XKR4: variants seen among roughly 807,000 people sequenced by gnomAD.
XKR4 encodes the protein XK related 4.
In XKR4, 12 loss-of-function variants were observed where a neutral mutation model predicts 53.9. The ratio of observed to expected loss-of-function variants is 0.22; its 90% CI spans 0.14 to 0.36. The LOEUF is 0.36. Ranked by LOEUF, XKR4 falls within the 10% of genes least tolerant of loss-of-function variation. The probability of loss-of-function intolerance (pLI) is 1.00; values close to 1 mark genes in which losing one functional copy is unlikely to be tolerated. For missense variants in XKR4, 799 were observed against 859.5 expected (o/e 0.93, Z 0.88); for synonymous variants, 354 against 362.4 (o/e 0.98, Z 0.26).
chr8:55,428,523 G>A (rs1805052336), intron 2 of XKR4, among the ~76,000 whole-genome samples: 2 of 152,180 alleles, frequency 1.3e-5, no homozygotes, highest in African/African-American at 2.4e-5. Flanking sequence ...CTTCCACCCT[G>A]GTCAGGCTAT....
rs1807048220 is a variant in XKR4, at chr8:55,537,657, A to G, written c.*13430A>G. 1 of 152,222 alleles carries G rather than the reference A, an allele frequency of 6.6e-6. No homozygotes were observed. The allele number at this position is 152,222 out of a possible 1,614,324, so 9.4% of individuals were successfully genotyped here. On this transcript the variant is annotated 3_prime_UTR_variant, in exon 3 of 3. Transcript: ENST00000327381. ...CACATTCTACACTCAGTGCCAAGTT[A>G]GAATGTCTTTATGGGGAAGGCAATA...
intron 2 of XKR4, among the ~76,000 whole-genome samples, chr8:55,479,607 A>C (rs1450206277): frequency 6.6e-6 from 1 of 152,232 alleles, no homozygotes; most frequent in African/African-American, 2.4e-5. Context: ...TAATGAATCC[A>C]GGAGATTGTT....
intron 1 of XKR4, among the ~76,000 whole-genome samples, chr8:55,133,244 G>A (rs951397065): frequency 6.6e-6 from 1 of 152,210 alleles, no homozygotes; most frequent in Non-Finnish European, 1.5e-5. Flanking sequence ...TACAATAAAG[G>A]GTAAGTGTGA....
intron 1 of XKR4, among the ~76,000 whole-genome samples, chr8:55,264,783 C>T (rs1818575108): frequency 1.3e-5 from 2 of 152,180 alleles, no homozygotes; most frequent in South Asian, 4.1e-4. Context: ...CATCATTCCT[C>T]TTAATATGAT....
chr8:55,272,949 C>A, intron 1 of XKR4: 1 of 448,644 alleles, frequency 2.2e-6, no homozygotes, highest in Non-Finnish European at 4.4e-6. Context: ...AACACCACTG[C>A]CTACATTGGA....
chr8:55,140,549 C>G (rs906906631), intron 1 of XKR4, among the ~76,000 whole-genome samples: 1 of 152,174 alleles, frequency 6.6e-6, no homozygotes, highest in African/African-American at 2.4e-5. Flanking sequence ...AGTTATTCTT[C>G]GCTAATAAAA....
chr8:55,244,199 T>C (rs997483555), intron 1 of XKR4, among the ~76,000 whole-genome samples: 2 of 152,196 alleles, frequency 1.3e-5, no homozygotes, highest in Non-Finnish European at 2.9e-5. Context: ...AAGTAGTTTT[T>C]CTATCCTCTC....
intron 2 of XKR4, among the ~76,000 whole-genome samples, chr8:55,418,387 C>T (rs966483088): frequency 2.0e-5 from 3 of 152,210 alleles, no homozygotes; most frequent in African/African-American, 7.2e-5. Flanking sequence ...GGCTAAAACC[C>T]TTTCTGCTAT....
In XKR4 at chr8:55,541,152, G is replaced by A. The variant is rs995507843; in HGVS notation, c.*16925G>A. ...GTTTTATTTAGAAACATGAAACCAT[G>A]CACTTTGTAATCAATAAGTCTTTTG... On this transcript the variant is annotated 3_prime_UTR_variant, in exon 3 of 3. Coordinates refer to ENST00000327381, the MANE Select transcript of XKR4 (RefSeq NM_052898.2). The A allele has an allele frequency of 6.6e-6, 1 of 152,142 alleles. No homozygotes were observed. Among genetic ancestry groups the A allele is most frequent in the Non-Finnish European group, 1.5e-5 (1 of 68,020 alleles). 9.4% of individuals were successfully genotyped at this position (152,142 alleles called of 1,614,324 possible). A position where few individuals can be genotyped will look rare whatever the true frequency, so the allele number is the denominator to read the frequency against.
At chr8:55,379,047 C>G in intron 2 of XKR4, among the ~76,000 whole-genome samples, 1 of 152,140 alleles carries the variant, frequency 6.6e-6, no homozygotes, top group East Asian at 1.9e-4. Flanking sequence ...CAGGTGAACC[C>G]TCATGAGTAA....
intron 2 of XKR4, among the ~76,000 whole-genome samples, chr8:55,442,925 G>A (rs1316460964): frequency 6.6e-6 from 1 of 152,108 alleles, no homozygotes; most frequent in Non-Finnish European, 1.5e-5. Context: ...ACTTTAAATA[G>A]GTGAATGTAA....
chr8:55,128,285 C>T, intron 1 of XKR4, among the ~76,000 whole-genome samples: 1 of 152,178 alleles, frequency 6.6e-6, no homozygotes, highest in East Asian at 1.9e-4. Flanking sequence ...TAATGATCGC[C>T]ATTCTAACTG....
At chr8:55,307,047 A>C (rs1051414114) in intron 1 of XKR4, among the ~76,000 whole-genome samples, 2 of 152,074 alleles carry the variant, frequency 1.3e-5, no homozygotes. Flanking sequence ...TTTAGAAAAA[A>C]AAATAGGAGA....
intron 2 of XKR4, among the ~76,000 whole-genome samples, chr8:55,465,654 A>C (rs1262973537): frequency 6.6e-6 from 1 of 151,976 alleles, no homozygotes; most frequent in Non-Finnish European, 1.5e-5. Flanking sequence ...ATTAAACTAA[A>C]GAGCTTCTGC....
intron 2 of XKR4, chr8:55,452,020 C>G: frequency 1.3e-6 from 1 of 764,070 alleles, no homozygotes; most frequent in Non-Finnish European, 2.4e-6. Flanking sequence ...ACGTTCTTAA[C>G]CAGGTTCCAG....
At chr8:55,360,578 G>A (rs766191599) in intron 2 of XKR4, among the ~76,000 whole-genome samples, 1 of 152,196 alleles carries the variant, frequency 6.6e-6, no homozygotes, top group Non-Finnish European at 1.5e-5. Context: ...ATCTGTAAAG[G>A]ATTTGCAGAT....
At chr8:55,156,761 G>A (rs1269766843) in intron 1 of XKR4, among the ~76,000 whole-genome samples, 5 of 152,156 alleles carry the variant, frequency 3.3e-5, no homozygotes, top group Non-Finnish European at 7.4e-5. Flanking sequence ...ATGGGAAAAG[G>A]GATGTATGCT....
At chr8:55,263,013 G>A (rs1197116817) in intron 1 of XKR4, among the ~76,000 whole-genome samples, 2 of 152,078 alleles carry the variant, frequency 1.3e-5, no homozygotes, top group African/African-American at 4.8e-5. Flanking sequence ...GCACAGCATT[G>A]GCCTCTGAGT....
At chr8:55,194,287 G>T (rs1448145106) in intron 1 of XKR4, among the ~76,000 whole-genome samples, 2 of 152,152 alleles carry the variant, frequency 1.3e-5, no homozygotes, top group Non-Finnish European at 2.9e-5. Flanking sequence ...ATTTTTGTCA[G>T]CTCCCATGAA....
Sources: allele counts gnomAD v4.1 joint callset (sites outside exome capture counted in the v4.1 genomes callset), GRCh38; gene constraint gnomAD v4.1.1; transcripts MANE v1.5; gene names NCBI Gene and HGNC (gene_info 2026-07-23, HGNC 2026-07-21).